Variants in ETF1 observed in about 807,000 individuals in gnomAD.
ETF1 encodes the protein eukaryotic peptide chain release factor subunit 1.
Under a neutral mutation model 55.1 loss-of-function variants are expected in ETF1, and 4 were observed. That is an observed-to-expected ratio of 0.07 (90% CI 0.04 to 0.17). The LOEUF (loss-of-function observed/expected upper bound fraction) is 0.17, where lower values mean the gene tolerates loss of function less well. Among genes scored for constraint, ETF1 ranks in the 10% least tolerant of loss-of-function variants. The pLI is 1.00. For missense variants in ETF1, 142 were observed against 523.6 expected (o/e 0.27, Z 7.11); for synonymous variants, 157 against 182.3 (o/e 0.86, Z 1.12).
chr5:138,524,022 C>A (rs926853333), intron 2 of ETF1, among the ~76,000 whole-genome samples: 7 of 151,990 alleles, frequency 4.6e-5, no homozygotes, highest in Non-Finnish European at 8.8e-5. Context: ...ACTAAAAATA[C>A]AAAAAGTTGC....
intron 2 of ETF1, among the ~76,000 whole-genome samples, chr5:138,527,717 T>C (rs1249525832): frequency 6.6e-6 from 1 of 151,228 alleles, no homozygotes; most frequent in Non-Finnish European, 1.5e-5. Flanking sequence ...TGGCTTATGC[T>C]TGGTAAGCCA....
At chr5:138,523,116 C>A (rs1765303850) in intron 2 of ETF1, among the ~76,000 whole-genome samples, 1 of 152,188 alleles carries the variant, frequency 6.6e-6, no homozygotes, top group African/African-American at 2.4e-5. Flanking sequence ...CGCCTGTAAT[C>A]CCAGCATTTC....
At position 138,513,560 on chromosome 5, in the gene ETF1, T is replaced by C. The variant is rs754246870; in HGVS notation, c.541+8A>G. 1 of 1,594,982 alleles carries C rather than the reference T, an allele frequency of 6.3e-7. No homozygotes were observed. Among genetic ancestry groups the C allele is most frequent in the South Asian group, 1.1e-5 (1 of 90,142 alleles). ...AGTAAGTGGGTTCATGTTCTCCTCC[T>C]GTATTACCGTGTTTCTTTGGGAGAT... is the stretch of plus-strand genomic sequence containing the variant. On this transcript the variant is annotated splice_region_variant and intron_variant, in intron 5 of 10. Coordinates refer to ENST00000360541, the MANE Select transcript of ETF1 (RefSeq NM_004730.4).
rs748610118 is a variant in ETF1 at position 138,542,953 on chromosome 5, G to A, written c.-18-17C>T. 2 of 1,610,456 alleles carry A rather than the reference G, an allele frequency of 1.2e-6. No homozygotes were observed. Among genetic ancestry groups the A allele is most frequent in the Non-Finnish European group, 1.7e-6 (2 of 1,178,440 alleles). ...TCCTCCTCCCTAGAGCGGCCCGGCG[G>A]GGCCCGGAGACACCAAGACCACAGA... On this transcript the variant is annotated splice_polypyrimidine_tract_variant and intron_variant, in intron 1 of 10. Transcript: ENST00000360541.
At chr5:138,525,311 C>T (rs572450460) in intron 2 of ETF1, among the ~76,000 whole-genome samples, 12 of 152,000 alleles carry the variant, frequency 7.9e-5, no homozygotes, top group Admixed American at 3.3e-4. Context: ...GCGTGCGCCA[C>T]CACGCCTGGC....
intron 2 of ETF1, among the ~76,000 whole-genome samples, chr5:138,529,035 G>A (rs1381087229): frequency 1.3e-5 from 2 of 152,012 alleles, no homozygotes; most frequent in African/African-American, 4.8e-5. Context: ...AATCCCAGCA[G>A]GAGAATCGGC....
At chr5:138,533,247 G>C (rs1266271510) in intron 2 of ETF1, among the ~76,000 whole-genome samples, 1 of 151,782 alleles carries the variant, frequency 6.6e-6, no homozygotes, top group Non-Finnish European at 1.5e-5. Flanking sequence ...GTGTATATAA[G>C]CATCCTGAGG....
At chr5:138,513,047 GA>G in intron 5 of ETF1, 93 bp from the exon 6 acceptor site, 1 of 1,408,414 alleles carries the variant, frequency 7.1e-7, no homozygotes. Context: ...CATCATCTAA[GA>G]AAAGGACAAA....
chr5:138,518,533 AAAAAC>A (rs1397108617), intron 3 of ETF1, among the ~76,000 whole-genome samples, 154 bp downstream of exon 3: 1 of 152,158 alleles, frequency 6.6e-6, no homozygotes, highest in Non-Finnish European at 1.5e-5. Context: ...TCAATAAACA[AAAAAC>A]AAAACAAAAC....
intron 2 of ETF1, among the ~76,000 whole-genome samples, chr5:138,520,448 CAT>C (rs1765186863): frequency 6.6e-6 from 1 of 152,200 alleles, no homozygotes; most frequent in African/African-American, 2.4e-5. Flanking sequence ...ATGCCAGTAA[CAT>C]ATCTTTTTTG....
intron 2 of ETF1, among the ~76,000 whole-genome samples, chr5:138,525,710 C>T (rs1765439706): frequency 6.6e-6 from 1 of 151,886 alleles, no homozygotes; most frequent in Non-Finnish European, 1.5e-5. Context: ...CTGTGGGAGG[C>T]CGAGGCGGGT....
In ETF1 at chr5:138,534,834, T is replaced by C. The variant is rs557597946; in HGVS notation, c.86+7999A>G. Among the ~76,000 whole-genome samples, 10 of 152,318 alleles carry C rather than the reference T, an allele frequency of 6.6e-5. No homozygotes were observed. In the East Asian group the frequency reaches 1.9e-3, roughly 29 times the overall value. On this transcript the variant is annotated intron_variant, in intron 2 of 10. Coordinates refer to ENST00000360541, the MANE Select transcript of ETF1 (RefSeq NM_004730.4). ...ACTAAAGGCTGTGATATTAGGCAGC[T>C]ATTTACTCCCTGTATGTACTTTAAT...
At position 138,518,962 on chromosome 5, in the gene ETF1, A is replaced by G. The variant is rs147009379; in HGVS notation, c.87-95T>C. On this transcript the variant is annotated intron_variant, in intron 2 of 10. Coordinates refer to ENST00000360541, the MANE Select transcript of ETF1 (RefSeq NM_004730.4). ...AAAGCAAGCTACAGGGAGATGCCCC[A>G]AAGTTATGGAAACAGGTCACTCTCA... The G allele has an allele frequency of 1.8e-4, 276 of 1,550,042 alleles. 4 individuals are homozygous for G. In the African/African-American group the frequency reaches 2.5e-3, roughly 14 times the overall value.
intron 2 of ETF1, among the ~76,000 whole-genome samples, chr5:138,531,005 A>G (rs1045276376): frequency 6.6e-6 from 1 of 152,194 alleles, no homozygotes; most frequent in African/African-American, 2.4e-5. Flanking sequence ...AAGAACCCAG[A>G]GCAGTTGCTT....
chr5:138,509,873 T>G (rs1764694575), intron 9 of ETF1, among the ~76,000 whole-genome samples: 1 of 93,836 alleles, frequency 1.1e-5, no homozygotes. Flanking sequence ...CCAGCCTGGG[T>G]GACAAGAGCA....
intron 4 of ETF1, 24 bp downstream of exon 4, chr5:138,517,537 A>T (rs781112500): frequency 6.7e-6 from 10 of 1,488,114 alleles, no homozygotes; most frequent in Non-Finnish European, 9.2e-6. Flanking sequence ...GAGCGATGAA[A>T]ATGTTCTGGG....
intron 2 of ETF1, among the ~76,000 whole-genome samples, chr5:138,532,887 C>T (rs1365878564): frequency 6.6e-6 from 1 of 152,126 alleles, no homozygotes; most frequent in East Asian, 1.9e-4. Context: ...TCTCTTTTCT[C>T]TTCCACCAAG....
At chr5:138,541,622 T>G in intron 2 of ETF1, 1 of 1,529,934 alleles carries the variant, frequency 6.5e-7, no homozygotes, top group Non-Finnish European at 8.7e-7. Context: ...AATCTACCCA[T>G]AAATGACAAT....
In ETF1 at chr5:138,507,098, A is replaced by C. The variant is rs11741702; in HGVS notation, c.*1207T>G. 0.93 allele frequency: 141,944 copies of C among 152,204 alleles called. 66,384 individuals are homozygous for C. Among genetic ancestry groups the C allele is most frequent in the East Asian group, 0.99 (5,129 of 5,164 alleles). The allele number at this position is 152,204 out of a possible 1,614,324, so 9.4% of individuals were successfully genotyped here. A position where few individuals can be genotyped will look rare whatever the true frequency, so the allele number is the denominator to read the frequency against. On this transcript the variant is annotated 3_prime_UTR_variant, in exon 11 of 11. Transcript: ENST00000360541. ...GACTTACAGCCCAGCTGTGAAGCAT[A>C]AGCTTCAGGGTTTCAGGCCAACTTT...
Sources: gnomAD v4.1 joint callset for allele counts (sites outside exome capture counted in the v4.1 genomes callset) on GRCh38, gnomAD v4.1.1 for gene constraint, MANE v1.5 for transcripts, NCBI Gene and HGNC (gene_info 2026-07-23, HGNC 2026-07-21) for gene names.